USP37: variants seen among roughly 807,000 people sequenced by gnomAD.
The protein encoded by USP37 is ubiquitin specific peptidase 37.
In USP37, 27 loss-of-function variants were observed where a neutral mutation model predicts 124.0. The ratio of observed to expected loss-of-function variants is 0.22; its 90% confidence interval spans 0.16 to 0.30. The LOEUF (loss-of-function observed/expected upper bound fraction) is 0.30. Among genes scored for constraint, USP37 ranks in the 10% least tolerant of loss-of-function variants. The probability of loss-of-function intolerance (pLI) is 1.00; values close to 1 mark genes in which losing one functional copy is unlikely to be tolerated. For synonymous variants in USP37, 365 were observed against 388.0 expected, an observed-to-expected ratio of 0.94 and a Z score of 0.70; for missense variants, 889 against 1,140.4, an observed-to-expected ratio of 0.78 and a Z score of 3.17.
chr2:218,511,343 T>C (rs963080002), intron 10 of USP37, among the ~76,000 whole-genome samples: 1 of 151,930 alleles, frequency 6.6e-6, no homozygotes, highest in Non-Finnish European at 1.5e-5. Context: ...AGTTTTGCTC[T>C]TGTTGCCCAA....
At chr2:218,532,247 C>G (rs1574934152) in intron 9 of USP37, among the ~76,000 whole-genome samples, 1 of 152,210 alleles carries the variant, frequency 6.6e-6, no homozygotes, top group East Asian at 1.9e-4. Context: ...GCAGGCGGAT[C>G]ATGAGGTCAG....
intron 8 of USP37, among the ~76,000 whole-genome samples, chr2:218,536,883 G>A (rs1315008340): frequency 1.3e-5 from 2 of 152,164 alleles, no homozygotes; most frequent in African/African-American, 4.8e-5. Context: ...ATCTTATAGT[G>A]TTACAATTGC....
At chr2:218,477,481 G>C (rs183760692) in intron 18 of USP37, among the ~76,000 whole-genome samples, 4 of 152,174 alleles carry the variant, frequency 2.6e-5, no homozygotes, top group Non-Finnish European at 5.9e-5. Flanking sequence ...AAAGGCTTCT[G>C]AGGAAGGCAG....
Position 218,454,547 on chromosome 2 carries a change from G to A in USP37, c.*383C>T, listed in dbSNP as rs1176413312. On this transcript the variant is annotated 3_prime_UTR_variant, in exon 26 of 26. Transcript: ENST00000258399. ...ACCTTCATTTCTTCTCCAAACTGCT[G>A]TGCTATTAATTTTGAGCAGGCATAT... 2 of 164,278 alleles carry A rather than the reference G, an allele frequency of 1.2e-5. No homozygotes were observed. The highest frequency in any genetic ancestry group is 2.6e-5 in the Non-Finnish European group (2 of 76,252). 10.2% of individuals were successfully genotyped at this position (164,278 alleles called of 1,614,324 possible). A position where few individuals can be genotyped will look rare whatever the true frequency, so the allele number is the denominator to read the frequency against.
At chr2:218,555,382 A>G (rs1262222419) in intron 4 of USP37, among the ~76,000 whole-genome samples, 3 of 152,196 alleles carry the variant, frequency 2.0e-5, no homozygotes, top group Non-Finnish European at 2.9e-5. Flanking sequence ...TTTAAATTAT[A>G]TATGTATTTT....
intron 22 of USP37, among the ~76,000 whole-genome samples, chr2:218,460,216 C>T (rs1689935979): frequency 6.6e-6 from 1 of 151,350 alleles, no homozygotes; most frequent in African/African-American, 2.4e-5. Context: ...TGAGATTGCA[C>T]CATTGTACTC....
At chr2:218,538,949 C>A (rs1691813731) in intron 8 of USP37, among the ~76,000 whole-genome samples, 1 of 152,098 alleles carries the variant, frequency 6.6e-6, no homozygotes, top group South Asian at 2.1e-4. Flanking sequence ...GTCTTCCACT[C>A]ACAAATTTAA....
rs950614019 is a variant in USP37, at chr2:218,467,882, G to GTT, written c.2300-1708_2300-1707dup. Among the ~76,000 whole-genome samples the GTT allele has an allele frequency of 3.2e-3, 473 of 147,730 alleles. 3 individuals carry two copies. Among genetic ancestry groups the GTT allele is most frequent in the African/African-American group, 0.012 (454 of 39,184 alleles). ...AATTGTTAGAGCAATAACATTTCAT[G>GTT]TTTTTTTTGTTTTTTTTTTTTTTAA... is the stretch of plus-strand genomic sequence containing the variant. On this transcript the variant is annotated intron_variant, in intron 20 of 25. Coordinates refer to ENST00000258399, the MANE Select transcript of USP37 (RefSeq NM_020935.3).
chr2:218,548,558 GTCTCAAACTCCTGGGC>G (rs1339685288), intron 6 of USP37, among the ~76,000 whole-genome samples: 4 of 151,988 alleles, frequency 2.6e-5, no homozygotes, highest in Non-Finnish European at 4.4e-5. Flanking sequence ...GCCCAGGCTG[GTCTCAAACTCCTGGGC>G]TCAAGGAATC....
At chr2:218,508,306 C>A (rs1473491418) in intron 11 of USP37, among the ~76,000 whole-genome samples, 1 of 149,780 alleles carries the variant, frequency 6.7e-6, no homozygotes, top group Non-Finnish European at 1.5e-5. Flanking sequence ...AGTTCTTAGT[C>A]CTGAGTACTT....
At chr2:218,528,954 T>C (rs1445214023) in intron 10 of USP37, among the ~76,000 whole-genome samples, 3 of 151,730 alleles carry the variant, frequency 2.0e-5, no homozygotes, top group Non-Finnish European at 2.9e-5. Flanking sequence ...AATTCCTAAA[T>C]ATTTAAAATG....
chr2:218,549,111 T>C (rs1193608678), intron 6 of USP37, among the ~76,000 whole-genome samples: 1 of 152,068 alleles, frequency 6.6e-6, no homozygotes, highest in Non-Finnish European at 1.5e-5. Flanking sequence ...ATCTCAAGAG[T>C]TATGGTTATG....
At chr2:218,563,161 CT>C (rs1272572780) in intron 1 of USP37, among the ~76,000 whole-genome samples, 6 of 87,494 alleles carry the variant, frequency 6.9e-5, no homozygotes, top group Non-Finnish European at 2.2e-5. Context: ...AAAACTCCAT[CT>C]CAAAAAAAAA....
chr2:218,518,014 G>C (rs994596822), intron 10 of USP37, among the ~76,000 whole-genome samples: 4 of 151,882 alleles, frequency 2.6e-5, no homozygotes, highest in African/African-American at 9.7e-5. Context: ...GAAGTGCAGT[G>C]ACATAATCAC....
intron 9 of USP37, among the ~76,000 whole-genome samples, chr2:218,532,230 T>C (rs1216565036): frequency 1.3e-5 from 2 of 151,902 alleles, no homozygotes; most frequent in East Asian, 1.9e-4. Flanking sequence ...CACTTTGAGA[T>C]ACTGAGGCAG....
intron 22 of USP37, among the ~76,000 whole-genome samples, chr2:218,461,349 A>G (rs1336698524): frequency 6.6e-6 from 1 of 151,972 alleles, no homozygotes; most frequent in South Asian, 2.1e-4. Flanking sequence ...TCTACTAAAA[A>G]TACAAAATTA....
chr2:218,469,364 A>T (rs527434651), intron 20 of USP37, among the ~76,000 whole-genome samples: 1 of 152,238 alleles, frequency 6.6e-6, no homozygotes, highest in East Asian at 1.9e-4. Flanking sequence ...GGATTATTTG[A>T]CTCAACCAAT....
intron 5 of USP37, among the ~76,000 whole-genome samples, chr2:218,552,586 C>G (rs953128880): frequency 5.1e-5 from 7 of 136,828 alleles, no homozygotes; most frequent in African/African-American, 1.9e-4. Flanking sequence ...GACACTGTCT[C>G]AAAAAAAAGA....
chr2:218,495,915 C>G lies in USP37; in HGVS notation c.1317G>C (p.Gln439His). The change falls in exon 14 of 26, where the codon CAG becomes CAC. Residue 439 changes from glutamine to histidine, a missense_variant. Gln to His is a conservative substitution (Grantham distance 24, BLOSUM62 0). Around this residue, in one of 3 missense-constraint regions of USP37, gnomAD observed 504 missense variants for 714.3 expected, o/e 0.71. Coordinates refer to ENST00000258399, the MANE Select transcript of USP37 (RefSeq NM_020935.3). ...TTAATTTTTCCATATCTTCTTTCAG[C>G]TGGTCCAAACACTGACTTAAAAATT... ...AHEFLSQCLDQLKEDMEKLNK... is the reference protein window; with the variant it reads ...AHEFLSQCLDHLKEDMEKLNK... 1 of 1,612,960 alleles carries G rather than the reference C, an allele frequency of 6.2e-7. No individual in the cohort carries two copies. Among genetic ancestry groups the G allele is most frequent in the Non-Finnish European group, 8.5e-7 (1 of 1,179,810 alleles).
Sources: allele counts gnomAD v4.1 joint callset (sites outside exome capture counted in the v4.1 genomes callset), GRCh38; gene constraint gnomAD v4.1.1; regional missense constraint gnomAD v4.1.1; transcripts MANE v1.5; gene names NCBI Gene and HGNC (gene_info 2026-07-23, HGNC 2026-07-21).